ATP10B: variants seen among roughly 807,000 people sequenced by gnomAD.
ATP10B encodes the protein ATPase phospholipid transporting 10B (putative), also known as phospholipid-transporting ATPase VB.
In ATP10B, 122 loss-of-function variants were observed where a neutral mutation model predicts 141.2. That is an observed-to-expected ratio of 0.86 (90% confidence interval 0.75 to 1.00). The LOEUF is 1.00. Ranked by LOEUF, ATP10B falls within the 50% of genes least tolerant of loss-of-function variation. The pLI, the probability that ATP10B is intolerant of heterozygous loss-of-function variation, is 0.00. For missense variants in ATP10B, 1,876 were observed against 1,825.3 expected (o/e 1.03, Z -0.51); for synonymous variants, 685 against 692.0 (o/e 0.99, Z 0.16).
At chr5:160,628,125 A>ATGTT (rs1758704763) in intron 13 of ATP10B, among the ~76,000 whole-genome samples, 3 of 152,370 alleles carry the variant, frequency 2.0e-5, no homozygotes, top group Admixed American at 2.0e-4. Flanking sequence ...GGAAAGTCCA[A>ATGTT]TGTTAGTAAA....
At chr5:160,809,347 A>G (rs1772989974) in intron 1 of ATP10B, among the ~76,000 whole-genome samples, 1 of 152,138 alleles carries the variant, frequency 6.6e-6, no homozygotes, top group Admixed American at 6.6e-5. Flanking sequence ...ATTTTATTTC[A>G]TATTATCCAT....
At chr5:160,679,053 G>C (rs1763216586) in intron 6 of ATP10B, among the ~76,000 whole-genome samples, 1 of 152,152 alleles carries the variant, frequency 6.6e-6, no homozygotes, top group African/African-American at 2.4e-5. Flanking sequence ...GAAACACATG[G>C]GGCCCCAACT....
chr5:160,848,359 C>T (rs1331638122), intron 1 of ATP10B, among the ~76,000 whole-genome samples: 2 of 152,112 alleles, frequency 1.3e-5, no homozygotes, highest in African/African-American at 2.4e-5. Context: ...GGTATCACTC[C>T]CATTTGATAG....
chr5:160,835,221 C>A (rs1021453982), intron 1 of ATP10B, among the ~76,000 whole-genome samples: 1 of 152,050 alleles, frequency 6.6e-6, no homozygotes, highest in Non-Finnish European at 1.5e-5. Context: ...GATAGAGAGA[C>A]AAAGCAGCAA....
Position 160,591,597 on chromosome 5 carries a change from A to C in ATP10B, c.3565-458T>G, listed in dbSNP as rs547438805. On this transcript the variant is annotated intron_variant, in intron 22 of 25. Coordinates refer to ENST00000327245, the MANE Select transcript of ATP10B (RefSeq NM_025153.3). ...CTGAGAGATCTCAATCGTAGCTCGA[A>C]TCACAGGTTCCCCCAAGTTTCTGAA... 3.9e-4 allele frequency among the ~76,000 whole-genome samples: 59 copies of C among 152,068 alleles called. 1 individual carries two copies. Among genetic ancestry groups the C allele is most frequent in the Non-Finnish European group, 8.1e-4 (55 of 68,022 alleles).
chr5:160,589,292 G>A (rs955734395), intron 24 of ATP10B, among the ~76,000 whole-genome samples: 11 of 152,152 alleles, frequency 7.2e-5, no homozygotes, highest in Non-Finnish European at 1.0e-4. Context: ...GATTACAGGT[G>A]TGAGCCACCA....
At chr5:160,653,446 AGGTAGTATATATACATATG>A (rs1301521435) in intron 7 of ATP10B, among the ~76,000 whole-genome samples, 5 of 47,568 alleles carry the variant, frequency 1.1e-4, no homozygotes, top group African/African-American at 3.0e-4. Flanking sequence ...ATACATACAT[AGGTAGTATATATACATATG>A]TACATACATA....
intron 23 of ATP10B, among the ~76,000 whole-genome samples, chr5:160,590,302 G>A (rs1756198757): frequency 6.6e-6 from 1 of 151,988 alleles, no homozygotes; most frequent in African/African-American, 2.4e-5. Flanking sequence ...ACCTGGCCAG[G>A]GAGGGTATTG....
intron 3 of ATP10B, among the ~76,000 whole-genome samples, chr5:160,691,348 A>C (rs1339597353): frequency 3.9e-5 from 6 of 152,140 alleles, no homozygotes; most frequent in Non-Finnish European, 1.5e-5. Context: ...CCAGAACTTA[A>C]AGTATAATAA....
intron 2 of ATP10B, among the ~76,000 whole-genome samples, chr5:160,752,765 A>G (rs542462361): frequency 6.6e-6 from 1 of 152,214 alleles, no homozygotes; most frequent in African/African-American, 2.4e-5. Context: ...TGCAAATACA[A>G]CAATACAGAG....
At chr5:160,906,442 TA>T in the ATP10B span, among the ~76,000 whole-genome samples, 11 of 152,304 alleles carry the variant, frequency 7.2e-5, no homozygotes, top group African/African-American at 2.6e-4. Context: ...ATAATCCTTC[TA>T]AACACTTTGG....
intron 2 of ATP10B, among the ~76,000 whole-genome samples, chr5:160,785,101 G>T (rs1771036193): frequency 6.6e-6 from 1 of 152,122 alleles, no homozygotes; most frequent in South Asian, 2.1e-4. Flanking sequence ...ACTGATGAAA[G>T]AGACAACCCA....
At chr5:160,617,087 C>T (rs1433618258) in intron 16 of ATP10B, among the ~76,000 whole-genome samples, 2 of 152,156 alleles carry the variant, frequency 1.3e-5, no homozygotes, top group Non-Finnish European at 2.9e-5. Context: ...CTAATGCTGA[C>T]CTAAGAACCA....
At chr5:160,772,633 T>C (rs1769989206) in intron 2 of ATP10B, among the ~76,000 whole-genome samples, 1 of 152,168 alleles carries the variant, frequency 6.6e-6, no homozygotes. Context: ...CAGTTCACAA[T>C]AGGGTTTGTG....
At chr5:160,754,604 T>TTACC (rs1768383761) in intron 2 of ATP10B, among the ~76,000 whole-genome samples, 1 of 152,192 alleles carries the variant, frequency 6.6e-6, no homozygotes, top group Non-Finnish European at 1.5e-5. Context: ...TACTTAATGA[T>TTACC]GAAGATTACC....
chr5:160,653,612 T>C (rs1239089793), intron 7 of ATP10B, among the ~76,000 whole-genome samples: 9 of 29,322 alleles, frequency 3.1e-4, no homozygotes, highest in South Asian at 9.3e-4. Context: ...TATACATATA[T>C]ACATATATAT....
chr5:160,707,918 A>G (rs1765112021), intron 3 of ATP10B, among the ~76,000 whole-genome samples: 1 of 152,232 alleles, frequency 6.6e-6, no homozygotes. Flanking sequence ...GAAGAATGAT[A>G]GAGTGATGTC....
chr5:160,740,528 A>G (rs1767395110), intron 2 of ATP10B, among the ~76,000 whole-genome samples: 1 of 152,178 alleles, frequency 6.6e-6, no homozygotes, highest in South Asian at 2.1e-4. Context: ...TTGAAATATT[A>G]TCACCTTTCC....
At chr5:160,876,708 C>T in the ATP10B span, among the ~76,000 whole-genome samples, 1 of 151,702 alleles carries the variant, frequency 6.6e-6, no homozygotes, top group East Asian at 1.9e-4. Context: ...GGGATATCAC[C>T]ACCAATCCCA....
Sources: allele counts gnomAD v4.1 joint callset (sites outside exome capture counted in the v4.1 genomes callset), GRCh38; gene constraint gnomAD v4.1.1; transcripts MANE v1.5; gene names NCBI Gene and HGNC (gene_info 2026-07-23, HGNC 2026-07-21).